The following TYW1B variants were observed in gnomAD, a reference collection of about 807,000 sequenced individuals.
TYW1B encodes tRNA-yW synthesizing protein 1 homolog B, also known as S-adenosyl-L-methionine-dependent tRNA 4-demethylwyosine synthase TYW1B.
In TYW1B, 73 loss-of-function variants were observed where a neutral mutation model predicts 86.9. The ratio of observed to expected loss-of-function variants is 0.84; its 90% CI spans 0.70 to 1.02. The LOEUF (loss-of-function observed/expected upper bound fraction) is 1.02. TYW1B is among the 50% of genes least tolerant of loss of function. The probability of loss-of-function intolerance (pLI) is 0.00; values close to 1 mark genes in which losing one functional copy is unlikely to be tolerated. For missense variants in TYW1B, 637 were observed against 827.4 expected (o/e 0.77, Z 2.82); for synonymous variants, 248 against 292.8 (o/e 0.85, Z 1.56).
intron 7 of TYW1B, among the ~76,000 whole-genome samples, chr7:72,758,704 G>A (rs1787637427): frequency 6.6e-6 from 1 of 152,086 alleles, no homozygotes; most frequent in African/African-American, 2.4e-5. Context: ...GTTTGGATAA[G>A]GCCACCTTAA....
chr7:72,621,825 T>C (rs1554438028), intron 12 of TYW1B, among the ~76,000 whole-genome samples: 1 of 152,230 alleles, frequency 6.6e-6, no homozygotes, highest in Non-Finnish European at 1.5e-5. Context: ...TTTTCTACTC[T>C]GTAACAGGTA....
chr7:72,772,947 TATAA>T (rs1374203751), intron 7 of TYW1B, among the ~76,000 whole-genome samples: 3 of 152,330 alleles, frequency 2.0e-5, no homozygotes, highest in Non-Finnish European at 4.4e-5. Context: ...ACATCTTGCA[TATAA>T]ATAAACAAAG....
At chr7:72,611,202 T>C (rs1284895360) in intron 13 of TYW1B, among the ~76,000 whole-genome samples, 1 of 152,216 alleles carries the variant, frequency 6.6e-6, no homozygotes, top group East Asian at 1.9e-4. Context: ...GTCCTCAGAA[T>C]GCACCCATTG....
At chr7:72,672,234 ATGTGGAACTGTAAGTCCCAT>A (rs1813624363) in intron 11 of TYW1B, among the ~76,000 whole-genome samples, 1 of 152,000 alleles carries the variant, frequency 6.6e-6, no homozygotes, top group South Asian at 2.1e-4. Context: ...TTCTCCAGCC[ATGTGGAACTGTAAGTCCCAT>A]TAAACCTCTT....
At chr7:72,576,891 C>G (rs762586363) in intron 13 of TYW1B, among the ~76,000 whole-genome samples, 47 of 151,834 alleles carry the variant, frequency 3.1e-4, no homozygotes, top group Non-Finnish European at 5.7e-4. Context: ...CTTTCAAAGG[C>G]CGAGGCAGGT....
intron 7 of TYW1B, among the ~76,000 whole-genome samples, chr7:72,758,869 G>A (rs1416486634): frequency 2.0e-5 from 3 of 152,106 alleles, no homozygotes; most frequent in African/African-American, 7.2e-5. Flanking sequence ...TGGTTTGTGT[G>A]CCTCATTTAA....
intron 13 of TYW1B, among the ~76,000 whole-genome samples, chr7:72,596,553 A>G (rs1330514304): frequency 6.6e-6 from 1 of 152,216 alleles, no homozygotes; most frequent in East Asian, 1.9e-4. Flanking sequence ...AGCGTCCTTA[A>G]CAAATGGTGT....
chr7:72,703,394 A>G (rs1228950965), intron 10 of TYW1B, among the ~76,000 whole-genome samples: 1 of 152,078 alleles, frequency 6.6e-6, no homozygotes, highest in Non-Finnish European at 1.5e-5. Context: ...GTGTTGCTTA[A>G]ATTCCAGAAT....
At chr7:72,593,705 C>T (rs1554432013) in intron 13 of TYW1B, among the ~76,000 whole-genome samples, 1 of 151,266 alleles carries the variant, frequency 6.6e-6, no homozygotes, top group African/African-American at 2.4e-5. Flanking sequence ...GCCTGTAGTC[C>T]CAGCTACTCG....
chr7:72,710,293 C>T (rs529655808), intron 10 of TYW1B, among the ~76,000 whole-genome samples: 8 of 152,272 alleles, frequency 5.3e-5, no homozygotes, highest in South Asian at 2.1e-4. Context: ...ACCACTCTAT[C>T]CCAATGTCCC....
At chr7:72,759,129 G>C (rs1554466763) in intron 7 of TYW1B, among the ~76,000 whole-genome samples, 1 of 152,118 alleles carries the variant, frequency 6.6e-6, no homozygotes, top group Non-Finnish European at 1.5e-5. Flanking sequence ...TCAGGAGTTC[G>C]AGACCAGCCT....
At chr7:72,747,160 T>C (rs1179594375) in intron 7 of TYW1B, among the ~76,000 whole-genome samples, 2 of 152,210 alleles carry the variant, frequency 1.3e-5, no homozygotes, top group African/African-American at 4.8e-5. Context: ...GCTCCCAGAA[T>C]TCCCACGTGT....
intron 11 of TYW1B, 39 bp from the exon 12 acceptor site, chr7:72,629,036 T>G: frequency 6.4e-7 from 1 of 1,562,286 alleles, no homozygotes; most frequent in Non-Finnish European, 8.7e-7. Flanking sequence ...GTTATCTTGG[T>G]GGATGTCACC....
intron 12 of TYW1B, among the ~76,000 whole-genome samples, chr7:72,626,438 A>G (rs1427044809): frequency 2.6e-5 from 4 of 152,036 alleles, no homozygotes; most frequent in African/African-American, 9.7e-5. Context: ...TTCTAGCCCT[A>G]TCTTATCCCT....
In TYW1B at chr7:72,583,918, T is replaced by C. The variant is rs184412528; in HGVS notation, c.1786-8199A>G. ...GAAGTAGAAGGGCCAAGATTCAAAT[T>C]GGAGGGTGTTAAAGAGACCGTGGCC... On this transcript the variant is annotated intron_variant, in intron 13 of 13. Transcript: ENST00000620995. Among the ~76,000 whole-genome samples, 15 of 152,046 alleles carry C rather than the reference T, an allele frequency of 9.9e-5. No individual in the cohort carries two copies. In the East Asian group the frequency reaches 1.7e-3, roughly 18 times the overall value.
Position 72,693,338 on chromosome 7 carries a change from G to A in TYW1B, c.1506+1349C>T, listed in dbSNP as rs114022407. ...TGTGAACATTCTGAGGCTATTGATG[G>A]CTTAGGAAATTTGGTTCTAGAAATT... On this transcript the variant is annotated intron_variant, in intron 11 of 13. Transcript: ENST00000620995. Among the ~76,000 whole-genome samples the A allele has an allele frequency of 6.0e-3, 915 of 151,804 alleles. 11 individuals carry two copies. The highest frequency in any genetic ancestry group is 0.021 in the African/African-American group (868 of 41,406).
chr7:72,814,477 A>G (rs7777838), intron 3 of TYW1B, among the ~76,000 whole-genome samples: 19,153 of 151,962 alleles, frequency 0.13, 2,237 homozygotes, highest in East Asian at 0.33. Context: ...CCAGCTACTC[A>G]GGAGACTGAG....
intron 4 of TYW1B, among the ~76,000 whole-genome samples, chr7:72,808,614 A>T (rs1467690680): frequency 6.9e-6 from 1 of 145,936 alleles, no homozygotes; most frequent in African/African-American, 2.5e-5. Context: ...TGCAACCTCT[A>T]CCTCCCGGGT....
At chr7:72,625,902 G>A (rs57956856) in intron 12 of TYW1B, among the ~76,000 whole-genome samples, 3 of 119,670 alleles carry the variant, frequency 2.5e-5, no homozygotes, top group Admixed American at 9.0e-5. Flanking sequence ...GGGGCGGGGG[G>A]GGGGGAAGAA....
Sources: allele counts gnomAD v4.1 joint callset (sites outside exome capture counted in the v4.1 genomes callset), GRCh38; gene constraint gnomAD v4.1.1; transcripts MANE v1.5; gene names NCBI Gene and HGNC (gene_info 2026-07-23, HGNC 2026-07-21).